EXPH5: variants seen among roughly 807,000 people sequenced by gnomAD.
The protein encoded by EXPH5 is exophilin 5, also known as exophilin-5.
In EXPH5, 42 loss-of-function variants were observed where a neutral mutation model predicts 41.1. The ratio of observed to expected loss-of-function variants is 1.02; its 90% CI spans 0.80 to 1.32. The LOEUF (loss-of-function observed/expected upper bound fraction) is 1.32, where lower values mean the gene tolerates loss of function less well. EXPH5 is among the 40% of genes most tolerant of loss of function. EXPH5 has a pLI of 0.00. For synonymous variants in EXPH5, 798 were observed against 833.5 expected (o/e 0.96, Z 0.73); for missense variants, 2,298 against 2,314.5 (o/e 0.99, Z 0.15).
the EXPH5 span, among the ~76,000 whole-genome samples, chr11:108,606,204 C>T: frequency 6.6e-6 from 1 of 152,124 alleles, no homozygotes; most frequent in East Asian, 1.9e-4. Context: ...TCACCATTAC[C>T]TTCTACACCA....
intron 3 of EXPH5, 84 bp from the exon 4 acceptor site, chr11:108,528,268 G>A: frequency 1.1e-6 from 1 of 877,144 alleles, no homozygotes; most frequent in South Asian, 1.4e-5. Flanking sequence ...TTTGCCATAA[G>A]ATTTTGACAC....
At chr11:108,587,189 T>C (rs1162087023) in intron 1 of EXPH5, among the ~76,000 whole-genome samples, 2 of 152,226 alleles carry the variant, frequency 1.3e-5, no homozygotes, top group Non-Finnish European at 2.9e-5. Flanking sequence ...TAGTTACATA[T>C]GCATACATGT....
upstream of EXPH5, among the ~76,000 whole-genome samples, chr11:108,597,973 G>A (rs549206337): frequency 1.6e-4 from 24 of 152,196 alleles, 1 homozygote; most frequent in South Asian, 4.4e-3. Context: ...ATGTTCCTGC[G>A]CTCAAAACGT....
intron 1 of EXPH5, among the ~76,000 whole-genome samples, chr11:108,556,724 C>T (rs2093991736): frequency 6.6e-6 from 1 of 152,204 alleles, no homozygotes; most frequent in African/African-American, 2.4e-5. Flanking sequence ...ATCTGCCTGC[C>T]TTGGCCTCCC....
chr11:108,554,037 T>G (rs2093979749), intron 1 of EXPH5, among the ~76,000 whole-genome samples: 1 of 151,846 alleles, frequency 6.6e-6, no homozygotes, highest in African/African-American at 2.4e-5. Context: ...GAAATCAGAC[T>G]TCCTGGGATG....
At chr11:108,562,106 C>T (rs905387481) in intron 1 of EXPH5, among the ~76,000 whole-genome samples, 10 of 152,148 alleles carry the variant, frequency 6.6e-5, no homozygotes, top group African/African-American at 2.2e-4. Context: ...GGAAACTGCT[C>T]TATGTTCCTT....
chr11:108,606,894 A>G, the EXPH5 span, among the ~76,000 whole-genome samples: 28 of 152,186 alleles, frequency 1.8e-4, no homozygotes, highest in African/African-American at 6.3e-4. Context: ...AAATTTGTAA[A>G]CCATTGAGAA....
intron 1 of EXPH5, among the ~76,000 whole-genome samples, chr11:108,557,924 A>G (rs1412335602): frequency 6.6e-6 from 1 of 152,010 alleles, no homozygotes; most frequent in East Asian, 1.9e-4. Flanking sequence ...AGAGGCTATC[A>G]AGGATGCTTT....
At chr11:108,535,417 A>G (rs1031228013) in intron 3 of EXPH5, among the ~76,000 whole-genome samples, 2 of 152,180 alleles carry the variant, frequency 1.3e-5, no homozygotes, top group African/African-American at 4.8e-5. Flanking sequence ...GAATCACAGA[A>G]GGAGCATTTC....
intron 1 of EXPH5, among the ~76,000 whole-genome samples, chr11:108,570,373 G>A (rs1426346633): frequency 2.0e-5 from 3 of 152,006 alleles, no homozygotes; most frequent in Non-Finnish European, 2.9e-5. Flanking sequence ...TCCTGCCTTA[G>A]CCTCCTGAGT....
intron 1 of EXPH5, among the ~76,000 whole-genome samples, chr11:108,575,949 G>A (rs1024638975): frequency 6.6e-6 from 1 of 152,184 alleles, no homozygotes; most frequent in African/African-American, 2.4e-5. Flanking sequence ...GCGACAGAAT[G>A]AGACTCCGTA....
chr11:108,565,984 A>G (rs1458054274), intron 1 of EXPH5, among the ~76,000 whole-genome samples: 1 of 152,236 alleles, frequency 6.6e-6, no homozygotes, highest in African/African-American at 2.4e-5. Flanking sequence ...AGGAAAAAAA[A>G]TCCAATTCAA....
intron 1 of EXPH5, among the ~76,000 whole-genome samples, chr11:108,587,333 A>G (rs141513880): frequency 4.1e-4 from 62 of 152,288 alleles, no homozygotes; most frequent in Non-Finnish European, 8.4e-4. Flanking sequence ...TGAGGAATGA[A>G]AGTATTTTCT....
At chr11:108,529,771 G>C (rs1363903706) in intron 3 of EXPH5, among the ~76,000 whole-genome samples, 1 of 151,692 alleles carries the variant, frequency 6.6e-6, no homozygotes, top group East Asian at 1.9e-4. Context: ...TTGAACCTGG[G>C]AGGCAGAGGT....
At chr11:108,556,013 G>A (rs962526547) in intron 1 of EXPH5, among the ~76,000 whole-genome samples, 1 of 152,142 alleles carries the variant, frequency 6.6e-6, no homozygotes, top group Admixed American at 6.5e-5. Context: ...GAGCAAGAGC[G>A]ATGGCCAAAG....
At chr11:108,564,935 A>T in intron 1 of EXPH5, among the ~76,000 whole-genome samples, 1 of 120,680 alleles carries the variant, frequency 8.3e-6, no homozygotes, top group Non-Finnish European at 1.6e-5. Flanking sequence ...ATGGAGTCTC[A>T]CTCTGTCTCA....
At chr11:108,558,282 G>T (rs756017436) in intron 1 of EXPH5, among the ~76,000 whole-genome samples, 1 of 152,094 alleles carries the variant, frequency 6.6e-6, no homozygotes, top group African/African-American at 2.4e-5. Context: ...TACAGACAGG[G>T]TCTCACTATG....
At chr11:108,595,131 T>G (rs1307886985), upstream of EXPH5, among the ~76,000 whole-genome samples, 1 of 152,254 alleles carries the variant, frequency 6.6e-6, no homozygotes, top group Non-Finnish European at 1.5e-5. Flanking sequence ...GTTTCCAGTA[T>G]ATCAGTGAAC....
At chr11:108,526,068 C>T (rs2093796616) in intron 4 of EXPH5, among the ~76,000 whole-genome samples, 1 of 151,688 alleles carries the variant, frequency 6.6e-6, no homozygotes, top group East Asian at 1.9e-4. Flanking sequence ...GTGTGTGCCA[C>T]CACACCTGTC....
Sources: allele counts gnomAD v4.1 joint callset (sites outside exome capture counted in the v4.1 genomes callset), GRCh38; gene constraint gnomAD v4.1.1; transcripts MANE v1.5; gene names NCBI Gene and HGNC (gene_info 2026-07-23, HGNC 2026-07-21).